PIK3CB: variants seen among roughly 807,000 people sequenced by gnomAD.
The protein encoded by PIK3CB is phosphatidylinositol-4,5-bisphosphate 3-kinase catalytic subunit beta.
Under a neutral mutation model 136.8 loss-of-function variants are expected in PIK3CB, and 39 were observed. The ratio of observed to expected loss-of-function variants is 0.29; its 90% confidence interval spans 0.22 to 0.37. The LOEUF is 0.37. Ranked by LOEUF, PIK3CB falls within the 10% of genes least tolerant of loss-of-function variation. PIK3CB has a pLI of 1.00. For synonymous variants in PIK3CB, 428 were observed against 436.6 expected, an observed-to-expected ratio of 0.98 and a Z score of 0.25; for missense variants, 868 against 1,275.4, an observed-to-expected ratio of 0.68 and a Z score of 4.87.
Position 138,707,257 on chromosome 3 carries a change from T to C in PIK3CB, c.1432A>G (p.Thr478Ala), listed in dbSNP as rs1283599234. 3 of 1,606,716 alleles carry C rather than the reference T, an allele frequency of 1.9e-6. No individual in the cohort carries two copies. Among genetic ancestry groups the C allele is most frequent in the Non-Finnish European group, 2.5e-6 (3 of 1,177,040 alleles). Residue 478 changes from threonine (T) to alanine (A), a missense_variant, in exon 11 of 24, where the codon ACT (threonine) becomes GCT (alanine). By Grantham distance (58) the Thr-to-Ala change is moderately conservative. This residue lies in a region of PIK3CB where 612 missense variants were observed against 801.1 expected (regional missense o/e 0.76). Coordinates refer to ENST00000674063, the MANE Select transcript of PIK3CB (RefSeq NM_006219.3). ...ELEEMLNPMG[T>A]VQTNPYTENA... The stretch of plus-strand genomic sequence containing the variant: ...TCAGTATATGGATTTGTTTGAACAG[T>C]TCCCATTGGATTCAACATTTCTTCG...
chr3:138,795,071 G>C (rs2046093949), intron 2 of PIK3CB, among the ~76,000 whole-genome samples: 1 of 152,078 alleles, frequency 6.6e-6, no homozygotes, highest in Admixed American at 6.6e-5. Context: ...TGTAATCCCA[G>C]CACTTTGGGA....
intron 2 of PIK3CB, among the ~76,000 whole-genome samples, chr3:138,792,936 C>A (rs1296690284): frequency 2.6e-5 from 4 of 152,102 alleles, no homozygotes; most frequent in African/African-American, 4.8e-5. Context: ...TGCCACCACA[C>A]CCAGCTAAGT....
At chr3:138,679,830 G>A (rs76567851) in intron 19 of PIK3CB, among the ~76,000 whole-genome samples, 4 of 148,984 alleles carry the variant, frequency 2.7e-5, no homozygotes, top group South Asian at 2.1e-4. Flanking sequence ...ACTCCTGAGC[G>A]AAAGTGATCC....
At chr3:138,673,696 T>TAC (rs1177542381) in intron 19 of PIK3CB, among the ~76,000 whole-genome samples, 5 of 151,646 alleles carry the variant, frequency 3.3e-5, no homozygotes, top group African/African-American at 4.8e-5. Context: ...CACACACACG[T>TAC]ACACACACAC....
chr3:138,795,362 C>T (rs1255687399), intron 2 of PIK3CB, among the ~76,000 whole-genome samples: 1 of 145,506 alleles, frequency 6.9e-6, no homozygotes, highest in African/African-American at 2.5e-5. Flanking sequence ...CATGGTGACC[C>T]ATGCCTATAA....
chr3:138,804,043 G>T (rs1183178822), intron 1 of PIK3CB, among the ~76,000 whole-genome samples: 1 of 152,094 alleles, frequency 6.6e-6, no homozygotes, highest in East Asian at 1.9e-4. Flanking sequence ...TGACTGACAG[G>T]CCAGGTGCAG....
intron 4 of PIK3CB, among the ~76,000 whole-genome samples, chr3:138,751,287 T>C (rs1416794596): frequency 6.6e-6 from 1 of 151,892 alleles, no homozygotes; most frequent in Non-Finnish European, 1.5e-5. Context: ...TGAAACCCCA[T>C]CTCTACTAGA....
intron 8 of PIK3CB, among the ~76,000 whole-genome samples, chr3:138,719,724 G>GT (rs1343492304): frequency 6.6e-6 from 1 of 152,046 alleles, no homozygotes; most frequent in African/African-American, 2.4e-5. Flanking sequence ...ATCAATGTCT[G>GT]TATCAGCTCT....
At chr3:138,728,613 TA>T (rs1303480983) in intron 8 of PIK3CB, among the ~76,000 whole-genome samples, 1 of 150,186 alleles carries the variant, frequency 6.7e-6, no homozygotes, top group Admixed American at 6.6e-5. Context: ...CCGTCTCTAC[TA>T]AAAAAAATAC....
At chr3:138,800,785 C>A (rs2046165492) in intron 1 of PIK3CB, among the ~76,000 whole-genome samples, 1 of 151,992 alleles carries the variant, frequency 6.6e-6, no homozygotes, top group Admixed American at 6.6e-5. Flanking sequence ...CCACCACGCC[C>A]AGCTAATTTT....
chr3:138,793,615 A>G (rs1337919952), intron 2 of PIK3CB, among the ~76,000 whole-genome samples: 1 of 150,828 alleles, frequency 6.6e-6, no homozygotes, highest in Non-Finnish European at 1.5e-5. Context: ...CAAAAAAAAA[A>G]AAAAAAGTTT....
chr3:138,834,256 A>C (rs1934170106), intron 1 of PIK3CB, among the ~76,000 whole-genome samples: 1 of 152,230 alleles, frequency 6.6e-6, no homozygotes, highest in Non-Finnish European at 1.5e-5. Flanking sequence ...CATGTCCATA[A>C]CCTAATAACC....
chr3:138,712,039 A>C (rs2044513638), intron 10 of PIK3CB, among the ~76,000 whole-genome samples, 169 bp downstream of exon 10: 1 of 152,016 alleles, frequency 6.6e-6, no homozygotes, highest in Admixed American at 6.6e-5. Context: ...GAAACAAGTA[A>C]TTTTATGATA....
In PIK3CB at chr3:138,704,434, G is replaced by A. The variant is rs2044321126; in HGVS notation, c.1581+9C>T. 1.3e-6 allele frequency: 2 copies of A among 1,580,216 alleles called. No individual in the cohort carries two copies. Among genetic ancestry groups the A allele is most frequent in the Non-Finnish European group, 1.7e-6 (2 of 1,149,216 alleles). On this transcript the variant is annotated intron_variant, in intron 12 of 23. Coordinates refer to ENST00000674063, the MANE Select transcript of PIK3CB (RefSeq NM_006219.3). ...TAAGAAAGGGCCATTTAAAACTCTT[G>A]ATACTTACTGACACATTAGCACTAT...
chr3:138,712,809 C>T (rs952985723), intron 9 of PIK3CB, among the ~76,000 whole-genome samples: 2 of 152,134 alleles, frequency 1.3e-5, no homozygotes, highest in Non-Finnish European at 2.9e-5. Flanking sequence ...TCAGGTGATC[C>T]ACCTACCTAA....
At chr3:138,686,719 A>G (rs2043901431) in intron 16 of PIK3CB, among the ~76,000 whole-genome samples, 1 of 152,224 alleles carries the variant, frequency 6.6e-6, no homozygotes, top group Non-Finnish European at 1.5e-5. Flanking sequence ...AATTTATAAC[A>G]TGTTTTCATT....
At chr3:138,834,204 A>G (rs764689423) in intron 1 of PIK3CB, among the ~76,000 whole-genome samples, 1 of 152,280 alleles carries the variant, frequency 6.6e-6, no homozygotes, top group Non-Finnish European at 1.5e-5. Context: ...ATTTTGGCCC[A>G]AGGCCCCAGG....
In PIK3CB at chr3:138,667,207, C is replaced by CA. The variant is rs149370978; in HGVS notation, c.2505-2005dup. On this transcript the variant is annotated intron_variant, in intron 19 of 23. Coordinates refer to ENST00000674063, the MANE Select transcript of PIK3CB (RefSeq NM_006219.3). ...CTGGCGACAGAGCGAGACTCTGTCTCAAAAAAAAAAAAAAAAAAAAAAAGA... is the reference window on the plus strand; with the variant it reads ...CTGGCGACAGAGCGAGACTCTGTCTCAAAAAAAAAAAAAAAAAAAAAAAAGA... Among the ~76,000 whole-genome samples the CA allele has an allele frequency of 6.3e-3, 456 of 72,154 alleles. 2 individuals are homozygous for CA. Among genetic ancestry groups the CA allele is most frequent in the East Asian group, 0.018 (23 of 1,292 alleles). The allele number at this position is 72,154 out of a possible 152,430, so 47.3% of individuals were successfully genotyped here.
intron 1 of PIK3CB, among the ~76,000 whole-genome samples, chr3:138,804,730 G>C (rs1328574099): frequency 1.3e-5 from 2 of 152,072 alleles, no homozygotes; most frequent in African/African-American, 4.8e-5. Context: ...GCAGCCTTTA[G>C]AAAACTCAGT....
Sources: gnomAD v4.1 joint callset for allele counts (sites outside exome capture counted in the v4.1 genomes callset) on GRCh38, gnomAD v4.1.1 for gene constraint, gnomAD v4.1.1 regional missense constraint, MANE v1.5 for transcripts, NCBI Gene and HGNC (gene_info 2026-07-23, HGNC 2026-07-21) for gene names.